The following KATNBL1 variants were observed in gnomAD, a reference collection of about 807,000 sequenced individuals.
The protein encoded by KATNBL1 is KATNB1-like protein 1.
A neutral mutation model predicts 44.7 loss-of-function variants in KATNBL1; 28 were observed. The observed-to-expected ratio is 0.63, with a 90% CI of 0.46 to 0.86. The LOEUF (loss-of-function observed/expected upper bound fraction) is 0.86, where lower values mean the gene tolerates loss of function less well. Ranked by LOEUF, KATNBL1 falls within the 40% of genes least tolerant of loss-of-function variation. The pLI is 0.00. For missense variants in KATNBL1, 272 were observed against 350.7 expected (o/e 0.78, Z 1.79); for synonymous variants, 78 against 114.9 (o/e 0.68, Z 2.06).
chr15:34,145,504 AAAGG>A lies in KATNBL1; in HGVS notation c.789-17_789-14del. On this transcript the variant is annotated splice_polypyrimidine_tract_variant and intron_variant, in intron 8 of 9. Coordinates refer to ENST00000256544, the MANE Select transcript of KATNBL1 (RefSeq NM_024713.3). Reference sequence around the variant, plus strand: ...AATTTGAATATTTCTAAAAGAAAAAAAAGGAAGAAAAATGAGAAAGCAAATACAT... The same window carrying A: ...AATTTGAATATTTCTAAAAGAAAAAAAAGAAAAATGAGAAAGCAAATACAT... 1 of 1,421,754 alleles carries A rather than the reference AAAGG, an allele frequency of 7.0e-7. No individual in the cohort carries two copies. The highest frequency in any genetic ancestry group is 1.5e-5 in the African/African-American group (1 of 65,988). The allele number at this position is 1,421,754 out of a possible 1,614,324, so 88.1% of individuals were successfully genotyped here.
At chr15:34,194,841 G>C (rs1267473335) in intron 1 of KATNBL1, among the ~76,000 whole-genome samples, 2 of 152,140 alleles carry the variant, frequency 1.3e-5, no homozygotes, top group African/African-American at 4.8e-5. Context: ...TGGCCAAGAA[G>C]CATGTGAACA....
intron 1 of KATNBL1, among the ~76,000 whole-genome samples, chr15:34,174,094 T>C (rs1228918088): frequency 6.6e-6 from 1 of 152,230 alleles, no homozygotes; most frequent in Admixed American, 6.5e-5. Flanking sequence ...TTCCAAATTA[T>C]GTTTAATTGT....
At chr15:34,175,152 ACACACG>A (rs990308172) in intron 1 of KATNBL1, among the ~76,000 whole-genome samples, 7 of 143,974 alleles carry the variant, frequency 4.9e-5, no homozygotes, top group East Asian at 2.1e-4. Flanking sequence ...ACACACACAC[ACACACG>A]CATATATAAT....
chr15:34,208,014 A>G (rs1456717708), intron 1 of KATNBL1, among the ~76,000 whole-genome samples: 1 of 152,112 alleles, frequency 6.6e-6, no homozygotes, highest in Non-Finnish European at 1.5e-5. Flanking sequence ...TGTCATATAT[A>G]TTTTTTGTTG....
intron 1 of KATNBL1, among the ~76,000 whole-genome samples, chr15:34,169,633 C>CAA (rs201087742): frequency 2.0e-5 from 3 of 151,960 alleles, no homozygotes; most frequent in Non-Finnish European, 4.4e-5. Context: ...AGAGACACAA[C>CAA]AAAAAAAGAG....
chr15:34,153,717 C>T (rs528312052), intron 3 of KATNBL1, among the ~76,000 whole-genome samples: 4 of 152,136 alleles, frequency 2.6e-5, no homozygotes, highest in South Asian at 4.2e-4. Context: ...ACTACAGTCG[C>T]GCGCCACCAT....
chr15:34,171,645 A>T (rs934398272), intron 1 of KATNBL1, among the ~76,000 whole-genome samples: 2 of 152,252 alleles, frequency 1.3e-5, no homozygotes, highest in East Asian at 3.8e-4. Context: ...ATGTATGTTT[A>T]TTGCAGCACT....
At chr15:34,178,764 A>G (rs200520601) in intron 1 of KATNBL1, among the ~76,000 whole-genome samples, 76,932 of 141,762 alleles carry the variant, frequency 0.54, 20,680 homozygotes, top group East Asian at 0.68. Context: ...TCAAAAAAAA[A>G]AAAAAAAAAA....
rs118022635 is a variant in KATNBL1, at chr15:34,148,949, C to T, written c.439-199G>A. 3.0e-3 allele frequency among the ~76,000 whole-genome samples: 457 copies of T among 152,316 alleles called. 1 individual carries two copies. Among genetic ancestry groups the T allele is most frequent in the Non-Finnish European group, 4.4e-3 (301 of 68,030 alleles). ...ATTTAAGACCCATTTATACTTTTCA[C>T]TAGCTACCATTTTTCTTTTAAAACC... On this transcript the variant is annotated intron_variant, in intron 4 of 9. Transcript: ENST00000256544.
In KATNBL1 at chr15:34,152,719, T is replaced by C. The variant is rs1888518265; in HGVS notation, c.438+71A>G. The stretch of plus-strand genomic sequence containing the variant: ...GACAAATTATTCTGCTAGTGGAATA[T>C]GGCAAAGAAAAAAATCAAGATTATA... On this transcript the variant is annotated intron_variant, in intron 4 of 9. Coordinates refer to ENST00000256544, the MANE Select transcript of KATNBL1 (RefSeq NM_024713.3). The C allele has an allele frequency of 7.8e-6, 10 of 1,274,120 alleles. No individual in the cohort carries two copies. The East Asian group carries it at 1.6e-4, about 21-fold the overall frequency. 78.9% of individuals were successfully genotyped at this position (1,274,120 alleles called of 1,614,324 possible).
intron 2 of KATNBL1, among the ~76,000 whole-genome samples, chr15:34,162,798 G>C (rs1406298236): frequency 6.6e-6 from 1 of 151,580 alleles, no homozygotes; most frequent in African/African-American, 2.4e-5. Context: ...TTTTTTGGTA[G>C]AGATGGAGTC....
chr15:34,199,127 G>A (rs907452586), intron 1 of KATNBL1, among the ~76,000 whole-genome samples: 2 of 152,162 alleles, frequency 1.3e-5, no homozygotes, highest in African/African-American at 2.4e-5. Flanking sequence ...TACTTGTTAG[G>A]TTTATTCCTA....
At chr15:34,176,334 C>T (rs1023594300) in intron 1 of KATNBL1, among the ~76,000 whole-genome samples, 3 of 151,930 alleles carry the variant, frequency 2.0e-5, no homozygotes, top group South Asian at 4.2e-4. Flanking sequence ...GCCCAGATCA[C>T]GCCATTGCAC....
intron 1 of KATNBL1, among the ~76,000 whole-genome samples, chr15:34,187,917 T>C (rs1889759313): frequency 6.6e-6 from 1 of 151,740 alleles, no homozygotes; most frequent in Non-Finnish European, 1.5e-5. Context: ...GGTAGGTGGA[T>C]CACTTGAAGT....
intron 1 of KATNBL1, among the ~76,000 whole-genome samples, chr15:34,178,792 G>A (rs1209102190): frequency 6.0e-5 from 9 of 150,820 alleles, no homozygotes; most frequent in Non-Finnish European, 1.5e-5. Flanking sequence ...TTCACTGAAG[G>A]AGAGAAGAAG....
At chr15:34,208,313 A>G (rs1005156073) in intron 1 of KATNBL1, among the ~76,000 whole-genome samples, 1 of 152,192 alleles carries the variant, frequency 6.6e-6, no homozygotes, top group African/African-American at 2.4e-5. Context: ...TTTCTTTTGT[A>G]TAGCCAATTG....
chr15:34,169,077 A>G (rs8036791), intron 1 of KATNBL1, among the ~76,000 whole-genome samples: 31,365 of 152,112 alleles, frequency 0.21, 4,044 homozygotes, highest in African/African-American at 0.37. Flanking sequence ...AAGGCAAGAA[A>G]TAACTAAGAT....
intron 1 of KATNBL1, among the ~76,000 whole-genome samples, chr15:34,175,295 CCCCAAAT>C (rs894997815): frequency 1.3e-4 from 20 of 152,086 alleles, no homozygotes; most frequent in Admixed American, 2.0e-4. Context: ...TGGTTACACA[CCCCAAAT>C]CCCAAATCCC....
chr15:34,200,179 C>T (rs1384906778), intron 1 of KATNBL1, among the ~76,000 whole-genome samples: 1 of 152,154 alleles, frequency 6.6e-6, no homozygotes, highest in Non-Finnish European at 1.5e-5. Flanking sequence ...CTCACCTACT[C>T]GGAACAACTC....
Sources: allele counts gnomAD v4.1 joint callset (sites outside exome capture counted in the v4.1 genomes callset), GRCh38; gene constraint gnomAD v4.1.1; transcripts MANE v1.5; gene names NCBI Gene and HGNC (gene_info 2026-07-23, HGNC 2026-07-21).